Variants in RGS9 observed in about 807,000 individuals in gnomAD.
The protein encoded by RGS9 is regulator of G protein signaling 9.
RGS9 carries 78 observed loss-of-function variants against 102.0 expected under a neutral mutation model. The observed-to-expected ratio is 0.76, with a 90% confidence interval of 0.64 to 0.92. The LOEUF (loss-of-function observed/expected upper bound fraction) is 0.92. Among genes scored for constraint, RGS9 ranks in the 40% least tolerant of loss-of-function variants. The probability of loss-of-function intolerance (pLI) is 0.00; values close to 1 mark genes in which losing one functional copy is unlikely to be tolerated. For missense variants in RGS9, 833 were observed against 866.1 expected (o/e 0.96, Z 0.48); for synonymous variants, 353 against 318.6 (o/e 1.11, Z -1.15).
At chr17:65,187,534 C>T (rs768165169) in intron 9 of RGS9, among the ~76,000 whole-genome samples, 21 of 152,186 alleles carry the variant, frequency 1.4e-4, no homozygotes, top group Non-Finnish European at 2.1e-4. Context: ...CAGTACATGA[C>T]ATTCTAGACT....
intron 8 of RGS9, among the ~76,000 whole-genome samples, chr17:65,168,954 C>T (rs1911304703): frequency 6.6e-6 from 1 of 152,188 alleles, no homozygotes; most frequent in Admixed American, 6.5e-5. Context: ...GGGATTAACT[C>T]TGCTACCTCA....
Position 65,217,285 on chromosome 17 carries a change from C to T in RGS9, c.1407+6680C>T, listed in dbSNP as rs193273345. On this transcript the variant is annotated intron_variant, in intron 17 of 18. Coordinates refer to ENST00000262406, the MANE Select transcript of RGS9 (RefSeq NM_003835.4). ...AGAGCATGGGGCTCCACCTCCATCT[C>T]ATCCCCTGCTGTGGACCTGGGAGTC... 2.1e-4 allele frequency among the ~76,000 whole-genome samples: 32 copies of T among 152,348 alleles called. No homozygotes were observed. In the East Asian group the frequency reaches 5.8e-3, roughly 28 times the overall value.
intron 7 of RGS9, among the ~76,000 whole-genome samples, chr17:65,166,214 G>A (rs116160644): frequency 0.015 from 2,265 of 152,296 alleles, 68 homozygotes; most frequent in African/African-American, 0.051. Context: ...TTAGTGCCAT[G>A]CCTGACGTCC....
At chr17:65,215,544 CTTT>C (rs1228869868) in intron 17 of RGS9, among the ~76,000 whole-genome samples, 1 of 105,146 alleles carries the variant, frequency 9.5e-6, no homozygotes, top group Non-Finnish European at 2.0e-5. Flanking sequence ...TTCTTTCTTT[CTTT>C]TTTTTTGTTT....
At chr17:65,138,940 CT>C (rs1910016581) in intron 1 of RGS9, among the ~76,000 whole-genome samples, 1 of 55,676 alleles carries the variant, frequency 1.8e-5, no homozygotes, top group Non-Finnish European at 5.1e-5. Flanking sequence ...CCACCCCAGG[CT>C]TCCCTCCTCC....
chr17:65,225,206 C>G lies in RGS9; in HGVS notation c.1612C>G (p.Gln538Glu), dbSNP rs1302293877. ...VALESSSGLE[Q>E]KGECSGSMAP... ...CTTGGAGAGCTCATCGGGCTTGGAG[C>G]AGAAAGGGGAGTGCAGCGGGTCCAT... is the stretch of plus-strand genomic sequence containing the variant. The change falls in exon 18 of 19, where the codon CAG (glutamine) becomes GAG (glutamate). Residue 538 changes from glutamine to glutamate, a missense_variant. By Grantham distance (29) the Gln-to-Glu change is conservative (BLOSUM62 2). Around this residue, in one of 3 missense-constraint regions of RGS9, gnomAD observed 320 missense variants for 276.8 expected, o/e 1.16. Coordinates refer to ENST00000262406, the MANE Select transcript of RGS9 (RefSeq NM_003835.4). 6.2e-7 allele frequency: 1 copy of G among 1,613,070 alleles called. No individual in the cohort carries two copies. Among genetic ancestry groups the G allele is most frequent in the South Asian group, 1.1e-5 (1 of 91,076 alleles).
chr17:65,154,838 A>G (rs937685627), intron 2 of RGS9, among the ~76,000 whole-genome samples: 2 of 152,190 alleles, frequency 1.3e-5, no homozygotes, highest in African/African-American at 4.8e-5. Flanking sequence ...CCCGGGCCTC[A>G]CCACGGCTGT....
intron 18 of RGS9, among the ~76,000 whole-genome samples, chr17:65,226,298 C>T (rs547698659): frequency 0.011 from 1,648 of 152,280 alleles, 27 homozygotes; most frequent in African/African-American, 0.038. Context: ...TGTTTGGCCT[C>T]GTCTGGGCTT....
intron 13 of RGS9, among the ~76,000 whole-genome samples, chr17:65,198,602 A>G (rs1912691838): frequency 6.6e-6 from 1 of 152,214 alleles, no homozygotes; most frequent in Non-Finnish European, 1.5e-5. Flanking sequence ...CATCCACAAA[A>G]AAACACGAGG....
intron 17 of RGS9, among the ~76,000 whole-genome samples, chr17:65,222,827 CT>C (rs961980446): frequency 1.3e-5 from 2 of 152,204 alleles, no homozygotes; most frequent in Non-Finnish European, 2.9e-5. Flanking sequence ...TCGCACCCCC[CT>C]GATATTCTCC....
At chr17:65,144,303 G>T (rs1910271273) in intron 1 of RGS9, among the ~76,000 whole-genome samples, 1 of 152,062 alleles carries the variant, frequency 6.6e-6, no homozygotes, top group African/African-American at 2.4e-5. Context: ...CAGCCCCAGA[G>T]ATCTTCCGCA....
intron 8 of RGS9, among the ~76,000 whole-genome samples, chr17:65,169,437 G>C (rs1911322276): frequency 6.6e-6 from 1 of 152,190 alleles, no homozygotes; most frequent in African/African-American, 2.4e-5. Context: ...CTCCTGGTTG[G>C]TAGCGAAGAA....
At chr17:65,216,581 G>T (rs28451574) in intron 17 of RGS9, among the ~76,000 whole-genome samples, 24,660 of 152,178 alleles carry the variant, frequency 0.16, 3,106 homozygotes, top group African/African-American at 0.35. Flanking sequence ...AAGTTGCAGC[G>T]AGCTGAGATC....
rs371275167 is a variant in RGS9 at position 65,190,177 on chromosome 17, C to T, written c.687C>T (p.Ile229=). The T allele has an allele frequency of 4.3e-6, 7 of 1,612,314 alleles. No homozygotes were observed. The highest frequency in any genetic ancestry group is 5.9e-6 in the Non-Finnish European group (7 of 1,178,510). Reference sequence around the variant, plus strand: ...TCTAACAACTGTGTCTCTTCCAGATCATGTATTACCAACAGGCCTTGATGA... The same window carrying T: ...TCTAACAACTGTGTCTCTTCCAGATTATGTATTACCAACAGGCCTTGATGA... ...KQTVVAVKKE[I]MYYQQALMRS... The change falls in exon 11 of 19, where the codon ATC becomes ATT. Residue 229 remains isoleucine, a splice_region_variant and synonymous_variant. Transcript: ENST00000262406.
chr17:65,143,903 G>A (rs1167680925), intron 1 of RGS9, among the ~76,000 whole-genome samples: 2 of 150,592 alleles, frequency 1.3e-5, no homozygotes, highest in Non-Finnish European at 3.0e-5. Flanking sequence ...TGAGGCCACA[G>A]TGAGCTATGA....
chr17:65,178,648 C>T (rs1253738565), intron 9 of RGS9, among the ~76,000 whole-genome samples: 1 of 152,120 alleles, frequency 6.6e-6, no homozygotes, highest in Non-Finnish European at 1.5e-5. Context: ...GGACCACAGG[C>T]ACATGCCACC....
chr17:65,188,054 A>C lies in RGS9; in HGVS notation c.655-1232A>C, dbSNP rs78665959. Reference sequence around the variant, plus strand: ...AAAGAGGCTCCTCTTGAAGTATAAGAGTCAGTACCAGCCAGCCCCTGGACA... The same window carrying C: ...AAAGAGGCTCCTCTTGAAGTATAAGCGTCAGTACCAGCCAGCCCCTGGACA... On this transcript the variant is annotated intron_variant, in intron 9 of 18. Coordinates refer to ENST00000262406, the MANE Select transcript of RGS9 (RefSeq NM_003835.4). Among the ~76,000 whole-genome samples the C allele has an allele frequency of 8.2e-3, 1,242 of 152,270 alleles. 16 individuals are homozygous for C. The highest frequency in any genetic ancestry group is 0.029 in the African/African-American group (1,192 of 41,546).
At chr17:65,204,054 T>C (rs1598613540) in intron 14 of RGS9, 109 bp from the exon 15 acceptor site, 1 of 1,338,714 alleles carries the variant, frequency 7.5e-7, no homozygotes, top group Non-Finnish European at 1.1e-6. Context: ...ACCACCACCC[T>C]CACCCTCGGT....
chr17:65,156,193 T>C (rs1910760935), intron 2 of RGS9, among the ~76,000 whole-genome samples: 1 of 152,118 alleles, frequency 6.6e-6, no homozygotes, highest in Non-Finnish European at 1.5e-5. Context: ...CAACTAATTT[T>C]TGTATTTTTA....
Sources: gnomAD v4.1 joint callset for allele counts (sites outside exome capture counted in the v4.1 genomes callset) on GRCh38, gnomAD v4.1.1 for gene constraint, gnomAD v4.1.1 regional missense constraint, MANE v1.5 for transcripts, NCBI Gene and HGNC (gene_info 2026-07-23, HGNC 2026-07-21) for gene names.